Variants in LDAH observed in about 807,000 individuals in gnomAD.
LDAH encodes the protein lipid droplet associated hydrolase, also known as lipid droplet-associated hydrolase.
In LDAH, 26 loss-of-function variants were observed where a neutral mutation model predicts 29.6. That is an observed-to-expected ratio of 0.88 (90% CI 0.64 to 1.22). The LOEUF (loss-of-function observed/expected upper bound fraction) is 1.22. LDAH is among the 50% of genes most tolerant of loss of function. The pLI, the probability that LDAH is intolerant of heterozygous loss-of-function variation, is 0.00. For synonymous variants in LDAH, 117 were observed against 133.0 expected, an observed-to-expected ratio of 0.88 and a Z score of 0.83; for missense variants, 344 against 387.3, an observed-to-expected ratio of 0.89 and a Z score of 0.94.
intron 2 of LDAH, among the ~76,000 whole-genome samples, chr2:20,793,556 G>C (rs933352853): frequency 4.6e-5 from 7 of 152,128 alleles, no homozygotes; most frequent in Admixed American, 6.5e-5. Context: ...ATCAAATCTT[G>C]TATGAGATCA....
At chr2:20,778,276 T>G (rs1265150373) in intron 3 of LDAH, among the ~76,000 whole-genome samples, 1 of 152,212 alleles carries the variant, frequency 6.6e-6, no homozygotes, top group Non-Finnish European at 1.5e-5. Context: ...CCATCTCTAT[T>G]AGATATCACT....
At chr2:20,708,308 T>C (rs989047859) in intron 5 of LDAH, among the ~76,000 whole-genome samples, 3 of 152,216 alleles carry the variant, frequency 2.0e-5, no homozygotes, top group African/African-American at 7.2e-5. Context: ...TGGAGTAAAA[T>C]TAGCCCTAAA....
intron 5 of LDAH, among the ~76,000 whole-genome samples, chr2:20,725,620 C>A (rs1665960394): frequency 6.6e-6 from 1 of 152,184 alleles, no homozygotes; most frequent in Non-Finnish European, 1.5e-5. Flanking sequence ...TAAAAGCCAA[C>A]AAAAATTTTC....
At chr2:20,790,812 T>G (rs148644187) in intron 2 of LDAH, among the ~76,000 whole-genome samples, 1 of 152,186 alleles carries the variant, frequency 6.6e-6, no homozygotes, top group African/African-American at 2.4e-5. Flanking sequence ...CTTGATCTTT[T>G]GGGGAAACAA....
intron 6 of LDAH, among the ~76,000 whole-genome samples, chr2:20,697,110 C>T (rs1663547840): frequency 6.6e-6 from 1 of 152,070 alleles, no homozygotes; most frequent in Non-Finnish European, 1.5e-5. Context: ...GCCTGCCAGA[C>T]ACGGATCCAC....
At chr2:20,708,626 C>T (rs1403517551) in intron 5 of LDAH, among the ~76,000 whole-genome samples, 1 of 152,174 alleles carries the variant, frequency 6.6e-6, no homozygotes, top group South Asian at 2.1e-4. Flanking sequence ...AGTGGATATA[C>T]ATGTGCAAAA....
intron 6 of LDAH, among the ~76,000 whole-genome samples, chr2:20,687,754 C>A (rs1305652038): frequency 6.6e-6 from 1 of 152,212 alleles, no homozygotes; most frequent in African/African-American, 2.4e-5. Flanking sequence ...TCTACCTAAA[C>A]CTGCATGTGA....
chr2:20,790,197 G>C (rs1209893580), intron 3 of LDAH, 58 bp downstream of exon 3: 1 of 1,566,320 alleles, frequency 6.4e-7, no homozygotes. Flanking sequence ...TAGCAAGCTT[G>C]CTAGAAACAT....
At chr2:20,755,123 CTGTGTTTGTGTGTGTGTG>C (rs1405389540) in intron 4 of LDAH, among the ~76,000 whole-genome samples, 13 of 85,864 alleles carry the variant, frequency 1.5e-4, no homozygotes, top group African/African-American at 3.1e-4. Flanking sequence ...TATTGTGTGT[CTGTGTTTGTGTGTGTGTG>C]TGTGTGTGTG....
At chr2:20,736,102 G>C (rs745462390) in intron 5 of LDAH, among the ~76,000 whole-genome samples, 1 of 152,162 alleles carries the variant, frequency 6.6e-6, no homozygotes, top group Non-Finnish European at 1.5e-5. Flanking sequence ...GAAATGGCTG[G>C]AGTAGAGTAG....
chr2:20,725,663 G>C (rs140766535), intron 5 of LDAH, among the ~76,000 whole-genome samples: 2 of 152,332 alleles, frequency 1.3e-5, no homozygotes, highest in East Asian at 3.9e-4. Context: ...GAGTCATGGG[G>C]AAATCAAAAC....
At chr2:20,804,808 C>A (rs1444071425) in intron 1 of LDAH, among the ~76,000 whole-genome samples, 2 of 152,094 alleles carry the variant, frequency 1.3e-5, no homozygotes, top group Non-Finnish European at 2.9e-5. Flanking sequence ...AATGAAAAAT[C>A]CCCACTTAGA....
At chr2:20,780,996 T>C (rs1670156445) in intron 3 of LDAH, among the ~76,000 whole-genome samples, 1 of 152,186 alleles carries the variant, frequency 6.6e-6, no homozygotes, top group Non-Finnish European at 1.5e-5. Context: ...GAGAGTAGTT[T>C]ATTGTTTCTT....
At chr2:20,799,696 CT>C in intron 2 of LDAH, among the ~76,000 whole-genome samples, 1 of 152,062 alleles carries the variant, frequency 6.6e-6, no homozygotes, top group East Asian at 1.9e-4. Flanking sequence ...CCTTCCCAGC[CT>C]TTAGTATCTA....
At chr2:20,787,616 G>C (rs1284523578) in intron 3 of LDAH, among the ~76,000 whole-genome samples, 1 of 152,096 alleles carries the variant, frequency 6.6e-6, no homozygotes, top group East Asian at 1.9e-4. Flanking sequence ...TTATTGCGAG[G>C]AGAGAAGTGA....
At chr2:20,689,390 ACTT>A (rs1196192178) in intron 6 of LDAH, among the ~76,000 whole-genome samples, 1 of 152,064 alleles carries the variant, frequency 6.6e-6, no homozygotes, top group Non-Finnish European at 1.5e-5. Flanking sequence ...CAGAGTAAGA[ACTT>A]CTTTTGCTTC....
At chr2:20,704,405 G>A (rs1157704087) in intron 5 of LDAH, among the ~76,000 whole-genome samples, 1 of 152,066 alleles carries the variant, frequency 6.6e-6, no homozygotes, top group East Asian at 1.9e-4. Flanking sequence ...AATTTATAAG[G>A]ACCAACTAAA....
Position 20,711,829 on chromosome 2 carries a change from G to C in LDAH, c.704-10177C>G, listed in dbSNP as rs565279922. Among the ~76,000 whole-genome samples, 443 of 152,332 alleles carry C rather than the reference G, an allele frequency of 2.9e-3. 3 individuals are homozygous for C. Among genetic ancestry groups the C allele is most frequent in the African/African-American group, 0.01 (417 of 41,592 alleles). On this transcript the variant is annotated intron_variant, in intron 5 of 6. Coordinates refer to ENST00000237822, the MANE Select transcript of LDAH (RefSeq NM_021925.4). The stretch of plus-strand genomic sequence containing the variant: ...TGACCTGCAAGGCAGCAGCCCGGCA[G>C]GGGGAGGGGCGTCCACCATTGCTGA...
Position 20,789,305 on chromosome 2 carries a change from C to T in LDAH, c.298+950G>A, listed in dbSNP as rs548081500. 207 of 1,547,228 alleles carry T rather than the reference C, an allele frequency of 1.3e-4. 2 individuals are homozygous for T. The South Asian group carries it at 2.4e-3, about 18-fold the overall frequency. On this transcript the variant is annotated intron_variant, in intron 3 of 6. Transcript: ENST00000237822. ...GCGAGAGTCCCAAGAGGGCTTGCCT[C>T]CTGTGTCCACCACGAGAGGACAGCA...
Sources: allele counts gnomAD v4.1 joint callset (sites outside exome capture counted in the v4.1 genomes callset), GRCh38; gene constraint gnomAD v4.1.1; transcripts MANE v1.5; gene names NCBI Gene and HGNC (gene_info 2026-07-23, HGNC 2026-07-21).